The following VAV2 variants were observed in gnomAD, a reference collection of about 807,000 sequenced individuals.
The protein encoded by VAV2 is guanine nucleotide exchange factor VAV2.
Under a neutral mutation model 132.5 loss-of-function variants are expected in VAV2, and 67 were observed. The observed-to-expected ratio is 0.51, with a 90% CI of 0.42 to 0.62. VAV2 has a LOEUF of 0.62. Among genes scored for constraint, VAV2 ranks in the 20% least tolerant of loss-of-function variants. The probability of loss-of-function intolerance (pLI) is 0.00; values close to 1 mark genes in which losing one functional copy is unlikely to be tolerated. For synonymous variants in VAV2, 492 were observed against 443.5 expected (o/e 1.11, Z -1.37); for missense variants, 938 against 1,153.6 (o/e 0.81, Z 2.71).
At chr9:133,782,563 A>C (rs1178977388) in intron 19 of VAV2, among the ~76,000 whole-genome samples, 1 of 152,196 alleles carries the variant, frequency 6.6e-6, no homozygotes, top group East Asian at 1.9e-4. Flanking sequence ...CCATTGATCT[A>C]AAATCACAGC....
chr9:133,818,730 A>G (rs10993812), intron 4 of VAV2, among the ~76,000 whole-genome samples: 31,943 of 152,108 alleles, frequency 0.21, 4,233 homozygotes, highest in African/African-American at 0.37. Context: ...CTTGGAAGCC[A>G]CTAATTGCAA....
At chr9:133,958,292 G>C (rs1309728302) in intron 1 of VAV2, among the ~76,000 whole-genome samples, 1 of 139,796 alleles carries the variant, frequency 7.2e-6, no homozygotes, top group Non-Finnish European at 1.6e-5. Flanking sequence ...CTGGGCAATG[G>C]AATGTCTCGG....
At position 133,769,588 on chromosome 9, in the gene VAV2, A is replaced by T; in HGVS notation, c.2348-85T>A. The T allele has an allele frequency of 1.4e-6, 2 of 1,391,554 alleles. No homozygotes were observed. The highest frequency in any genetic ancestry group is 1.8e-4 in the Middle Eastern group (1 of 5,430). 86.2% of individuals were successfully genotyped at this position (1,391,554 alleles called of 1,614,324 possible). On this transcript the variant is annotated intron_variant, in intron 27 of 29. Coordinates refer to ENST00000371850, the MANE Select transcript of VAV2 (RefSeq NM_001134398.2). The surrounding 1 kb of genome is among the most constrained non-coding windows in gnomAD (Gnocchi z 8.1). ...TGGGCACAGCTACAGGCCGGGGGGC[A>T]TGGGGTGGGGCAGGCCCTTTGGCAG... is the stretch of plus-strand genomic sequence containing the variant.
chr9:133,854,281 G>GCA (rs932990277), intron 3 of VAV2, among the ~76,000 whole-genome samples: 3 of 126,796 alleles, frequency 2.4e-5, no homozygotes, highest in South Asian at 2.4e-4. Context: ...ATACCCATAT[G>GCA]CACACACACA....
At chr9:133,806,213 C>T (rs931635634) in intron 8 of VAV2, 32 bp from the exon 9 acceptor site, 1 of 1,596,174 alleles carries the variant, frequency 6.3e-7, no homozygotes, top group Non-Finnish European at 8.5e-7. Context: ...AGTGCCTGGC[C>T]AGGCCCACCC....
At chr9:133,905,698 G>A (rs1192110620) in intron 2 of VAV2, among the ~76,000 whole-genome samples, 2 of 152,082 alleles carry the variant, frequency 1.3e-5, no homozygotes, top group African/African-American at 2.4e-5. Flanking sequence ...CAGCCCTGGG[G>A]GGTAGCCACC....
intron 3 of VAV2, among the ~76,000 whole-genome samples, chr9:133,835,303 G>A (rs1018428833): frequency 1.3e-5 from 2 of 151,874 alleles, no homozygotes; most frequent in Admixed American, 6.6e-5. Context: ...GTGTGGCCCC[G>A]AGTCTACAGG....
Position 133,802,916 on chromosome 9 carries a change from A to G in VAV2, c.836+3165T>C, listed in dbSNP as rs555888329. 6.6e-6 allele frequency among the ~76,000 whole-genome samples: 1 copy of G among 152,234 alleles called. No individual in the cohort carries two copies. The highest frequency in any genetic ancestry group is 2.4e-5 in the African/African-American group (1 of 41,554). ...CTGGCCTCCGTTTCCCCATCTGGGA[A>G]ATGGGGGTTAGACAGAGCGGGAGCT... is the stretch of plus-strand genomic sequence containing the variant. On this transcript the variant is annotated intron_variant, in intron 9 of 29. Coordinates refer to ENST00000371850, the MANE Select transcript of VAV2 (RefSeq NM_001134398.2). The surrounding 1 kb of genome is among the most constrained non-coding windows in gnomAD (Gnocchi z 5.8).
At chr9:133,821,409 T>C (rs970323459) in intron 4 of VAV2, among the ~76,000 whole-genome samples, 1 of 152,212 alleles carries the variant, frequency 6.6e-6, no homozygotes, top group African/African-American at 2.4e-5. Flanking sequence ...TTTCTAGCTC[T>C]GTAACTGCAA....
intron 4 of VAV2, among the ~76,000 whole-genome samples, chr9:133,812,985 G>A (rs548009197): frequency 7.2e-5 from 11 of 152,294 alleles, no homozygotes; most frequent in South Asian, 2.1e-4. Flanking sequence ...GGCAGCGGAT[G>A]AGCCTGGCCC....
chr9:133,962,570 C>T (rs1443551434), intron 1 of VAV2, among the ~76,000 whole-genome samples: 4 of 152,158 alleles, frequency 2.6e-5, no homozygotes, highest in Admixed American at 2.6e-4. Flanking sequence ...GGGACGCCCA[C>T]CCAGGCCTGG....
chr9:133,832,740 G>A (rs768273752), intron 4 of VAV2, among the ~76,000 whole-genome samples: 3 of 152,040 alleles, frequency 2.0e-5, no homozygotes, highest in Non-Finnish European at 2.9e-5. Context: ...TGTATTTTTA[G>A]TAGAGACAGG....
At chr9:133,891,266 G>A (rs1409844763) in intron 2 of VAV2, among the ~76,000 whole-genome samples, 1 of 141,756 alleles carries the variant, frequency 7.1e-6, no homozygotes, top group African/African-American at 2.7e-5. Flanking sequence ...AGGAGGGATG[G>A]GGGGGAGGGT....
At chr9:133,828,431 ACTGGGG>A (rs2131758795) in intron 4 of VAV2, among the ~76,000 whole-genome samples, 1 of 34,462 alleles carries the variant, frequency 2.9e-5, no homozygotes, top group South Asian at 1.1e-3. Flanking sequence ...CGCTGCGCCC[ACTGGGG>A]CTGACCACTG....
intron 29 of VAV2, among the ~76,000 whole-genome samples, chr9:133,766,582 T>C (rs1411499387): frequency 2.6e-5 from 4 of 151,420 alleles, no homozygotes; most frequent in Non-Finnish European, 4.4e-5. Flanking sequence ...ATGAGAACAC[T>C]TGGACACAGG....
chr9:133,783,109 G>A (rs1015203402), intron 19 of VAV2, among the ~76,000 whole-genome samples: 7 of 152,184 alleles, frequency 4.6e-5, no homozygotes, highest in Non-Finnish European at 1.0e-4. Context: ...CTGATGGCCA[G>A]GCCTCACCCG....
At chr9:133,954,235 A>G (rs16819) in intron 1 of VAV2, among the ~76,000 whole-genome samples, 43,451 of 152,136 alleles carry the variant, frequency 0.29, 6,461 homozygotes, top group East Asian at 0.41. Context: ...GAGAAGCGGC[A>G]TGTGCCTGGT....
intron 1 of VAV2, among the ~76,000 whole-genome samples, chr9:133,947,450 G>A (rs1197120712): frequency 6.6e-6 from 1 of 152,062 alleles, no homozygotes; most frequent in South Asian, 2.1e-4. Flanking sequence ...CTATAATCCT[G>A]GCCCTTTGGG....
chr9:133,828,186 T>C (rs371439936), intron 4 of VAV2, among the ~76,000 whole-genome samples: 10 of 51,044 alleles, frequency 2.0e-4, no homozygotes, highest in African/African-American at 2.7e-4. Flanking sequence ...GCTACTGCTG[T>C]GCCCACTGAG....
Sources: allele counts gnomAD v4.1 joint callset (sites outside exome capture counted in the v4.1 genomes callset), GRCh38; gene constraint gnomAD v4.1.1; non-coding constraint Gnocchi (gnomAD v3.1); transcripts MANE v1.5; gene names NCBI Gene and HGNC (gene_info 2026-07-23, HGNC 2026-07-21).